The following NT5DC1 variants were observed in gnomAD, a reference collection of about 807,000 sequenced individuals.
The protein encoded by NT5DC1 is 5'-nucleotidase domain containing 1, also known as 5'-nucleotidase domain-containing protein 1.
Under a neutral mutation model 59.4 loss-of-function variants are expected in NT5DC1, and 42 were observed. The observed-to-expected ratio is 0.71, with a 90% CI of 0.55 to 0.92. The LOEUF is 0.92. NT5DC1 is among the 40% of genes least tolerant of loss of function. The pLI is 0.00. For synonymous variants in NT5DC1, 172 were observed against 188.1 expected, an observed-to-expected ratio of 0.91 and a Z score of 0.70; for missense variants, 501 against 537.1, an observed-to-expected ratio of 0.93 and a Z score of 0.66.
chr6:116,120,424 T>G lies in NT5DC1; in HGVS notation c.529+2479T>G, dbSNP rs1779078726. On this transcript the variant is annotated intron_variant, in intron 6 of 11. Coordinates refer to ENST00000319550, the MANE Select transcript of NT5DC1 (RefSeq NM_152729.3). ...TATCAAATGGTATGGGAGTTCCTATTGCTGGGTAAGCTTTGGAGAGAATAA... is the reference window on the plus strand; with the variant it reads ...TATCAAATGGTATGGGAGTTCCTATGGCTGGGTAAGCTTTGGAGAGAATAA... 1.9e-6 allele frequency: 3 copies of G among 1,614,292 alleles called. No individual in the cohort carries two copies. In the East Asian group the frequency reaches 6.7e-5, roughly 36 times the overall value.
At chr6:116,139,999 A>G (rs1175348395) in intron 6 of NT5DC1, among the ~76,000 whole-genome samples, 1 of 152,138 alleles carries the variant, frequency 6.6e-6, no homozygotes, top group Non-Finnish European at 1.5e-5. Flanking sequence ...TTTGATCCAG[A>G]AGAGACTTAC....
chr6:116,196,282 G>C (rs1346024473), intron 6 of NT5DC1, among the ~76,000 whole-genome samples: 7 of 151,892 alleles, frequency 4.6e-5, no homozygotes, highest in African/African-American at 1.7e-4. Context: ...TATCACATTT[G>C]TTATTTCCTA....
rs531427427 is a variant in NT5DC1 at position 116,218,659 on chromosome 6, T to A, written c.530-2395T>A. Among the ~76,000 whole-genome samples the A allele has an allele frequency of 1.4e-3, 206 of 152,320 alleles. 1 individual carries two copies. The highest frequency in any genetic ancestry group is 4.6e-3 in the African/African-American group (192 of 41,580). On this transcript the variant is annotated intron_variant, in intron 6 of 11. Coordinates refer to ENST00000319550, the MANE Select transcript of NT5DC1 (RefSeq NM_152729.3). ...ATATATTTTAATTTTTTTAAAGGGCTATTATATAGCCTCTGGCATGTTAAA... is the reference window on the plus strand; with the variant it reads ...ATATATTTTAATTTTTTTAAAGGGCAATTATATAGCCTCTGGCATGTTAAA...
chr6:116,101,291 G>A (rs1778645509), intron 1 of NT5DC1, among the ~76,000 whole-genome samples: 1 of 152,168 alleles, frequency 6.6e-6, no homozygotes, highest in Non-Finnish European at 1.5e-5. Flanking sequence ...AACTGCGCAA[G>A]ACCGGGCTGG....
At chr6:116,178,716 C>T (rs1464360233) in intron 6 of NT5DC1, among the ~76,000 whole-genome samples, 1 of 152,126 alleles carries the variant, frequency 6.6e-6, no homozygotes, top group African/African-American at 2.4e-5. Context: ...GAGCAGTTTC[C>T]CTATAATAAT....
At position 116,244,996 on chromosome 6, in the gene NT5DC1, T is replaced by A. The variant is rs1206726533; in HGVS notation, c.*972T>A. 2.0e-5 allele frequency: 3 copies of A among 151,992 alleles called. No individual in the cohort carries two copies. Among genetic ancestry groups the A allele is most frequent in the Non-Finnish European group, 4.4e-5 (3 of 67,996 alleles). 9.4% of individuals were successfully genotyped at this position (151,992 alleles called of 1,614,324 possible). On this transcript the variant is annotated 3_prime_UTR_variant, in exon 12 of 12. Coordinates refer to ENST00000319550, the MANE Select transcript of NT5DC1 (RefSeq NM_152729.3). ...TCCAACAAAATCTTATTCCTTAGTA[T>A]TAATTTATCTCATTGGGAAGAAATT...
At chr6:116,109,098 G>A (rs974785799) in intron 3 of NT5DC1, among the ~76,000 whole-genome samples, 1 of 152,188 alleles carries the variant, frequency 6.6e-6, no homozygotes, top group African/African-American at 2.4e-5. Context: ...GCACCAGGGA[G>A]GGAGCATCTG....
At chr6:116,188,273 T>C (rs1781043872) in intron 6 of NT5DC1, among the ~76,000 whole-genome samples, 1 of 151,990 alleles carries the variant, frequency 6.6e-6, no homozygotes, top group Non-Finnish European at 1.5e-5. Flanking sequence ...GTTTTGAAAA[T>C]TGTTGAGTAT....
intron 6 of NT5DC1, among the ~76,000 whole-genome samples, chr6:116,163,893 C>T (rs562364334): frequency 5.8e-4 from 88 of 152,154 alleles, no homozygotes; most frequent in Non-Finnish European, 1.1e-3. Context: ...TTTCCATTTA[C>T]GTATGTGGTT....
chr6:116,134,440 T>C (rs1225114796), intron 6 of NT5DC1, among the ~76,000 whole-genome samples: 1 of 152,220 alleles, frequency 6.6e-6, no homozygotes, highest in African/African-American at 2.4e-5. Context: ...TCAAGGACTA[T>C]GGGTTATTTA....
intron 6 of NT5DC1, among the ~76,000 whole-genome samples, chr6:116,182,580 C>T (rs754441892): frequency 2.6e-5 from 4 of 151,658 alleles, no homozygotes; most frequent in African/African-American, 7.3e-5. Flanking sequence ...TGGCCATTGT[C>T]GCAGGAGTAA....
chr6:116,106,187 A>G lies in NT5DC1; in HGVS notation c.94-57A>G, dbSNP rs1007402229. The G allele has an allele frequency of 4.6e-6, 4 of 870,068 alleles. No homozygotes were observed. In the African/African-American group the frequency reaches 4.9e-5, roughly 11 times the overall value. The allele number at this position is 870,068 out of a possible 1,614,324, so 53.9% of individuals were successfully genotyped here. A position where few individuals can be genotyped will look rare whatever the true frequency, so the allele number is the denominator to read the frequency against. ...TCCATTAGGGTTTTAGGTCTGTGAC[A>G]TTAAGAATGAATAGTGGGTGTTATA... On this transcript the variant is annotated intron_variant, in intron 1 of 11. Coordinates refer to ENST00000319550, the MANE Select transcript of NT5DC1 (RefSeq NM_152729.3).
intron 6 of NT5DC1, among the ~76,000 whole-genome samples, chr6:116,155,414 G>T (rs1198510547): frequency 6.6e-6 from 1 of 152,188 alleles, no homozygotes; most frequent in Admixed American, 6.5e-5. Context: ...TTGGAATTCA[G>T]TGGCCACTTT....
At chr6:116,218,782 T>C (rs1177953963) in intron 6 of NT5DC1, among the ~76,000 whole-genome samples, 2 of 152,206 alleles carry the variant, frequency 1.3e-5, no homozygotes, top group Non-Finnish European at 2.9e-5. Flanking sequence ...AATATTATTC[T>C]CATATTGCAA....
At chr6:116,176,891 T>G (rs561385294) in intron 6 of NT5DC1, among the ~76,000 whole-genome samples, 3 of 152,200 alleles carry the variant, frequency 2.0e-5, no homozygotes, top group Non-Finnish European at 4.4e-5. Context: ...AAGTGCAGCA[T>G]CTGGACCAAG....
chr6:116,167,459 G>A (rs759229738), intron 6 of NT5DC1, among the ~76,000 whole-genome samples: 1 of 152,034 alleles, frequency 6.6e-6, no homozygotes, highest in Non-Finnish European at 1.5e-5. Flanking sequence ...TGATCCACTT[G>A]CCTTGGCCTC....
chr6:116,189,884 A>G (rs1011620542), intron 6 of NT5DC1, among the ~76,000 whole-genome samples: 1 of 152,050 alleles, frequency 6.6e-6, no homozygotes, highest in Non-Finnish European at 1.5e-5. Context: ...CTCTTATTGT[A>G]TACTATGCTA....
In NT5DC1 at chr6:116,121,328, A is replaced by G. The variant is rs200461789; in HGVS notation, c.529+3383A>G. ...GGCTCCAGCAGCTCCTGGCTTTCCAATGCCTTCTGGCCCTCGTTCCCCAGG... is the reference window on the plus strand; with the variant it reads ...GGCTCCAGCAGCTCCTGGCTTTCCAGTGCCTTCTGGCCCTCGTTCCCCAGG... On this transcript the variant is annotated intron_variant, in intron 6 of 11. Coordinates refer to ENST00000319550, the MANE Select transcript of NT5DC1 (RefSeq NM_152729.3). 52 of 1,613,664 alleles carry G rather than the reference A, an allele frequency of 3.2e-5. No individual in the cohort carries two copies. In the East Asian group the frequency reaches 6.5e-4, roughly 20 times the overall value.
At chr6:116,190,121 C>T (rs1781084162) in intron 6 of NT5DC1, among the ~76,000 whole-genome samples, 1 of 151,836 alleles carries the variant, frequency 6.6e-6, no homozygotes, top group African/African-American at 2.4e-5. Flanking sequence ...GTGGATATTA[C>T]ATAAGATGTA....
Sources: allele counts gnomAD v4.1 joint callset (sites outside exome capture counted in the v4.1 genomes callset), GRCh38; gene constraint gnomAD v4.1.1; transcripts MANE v1.5; gene names NCBI Gene and HGNC (gene_info 2026-07-23, HGNC 2026-07-21).